TENM3: variants seen among roughly 807,000 people sequenced by gnomAD.
TENM3 encodes the protein teneurin-3.
TENM3 carries 63 observed loss-of-function variants against 255.1 expected under a neutral mutation model. That is an observed-to-expected ratio of 0.25 (90% confidence interval 0.20 to 0.30). The LOEUF is 0.30. Among genes scored for constraint, TENM3 ranks in the 10% least tolerant of loss-of-function variants. The pLI, the probability that TENM3 is intolerant of heterozygous loss-of-function variation, is 1.00. For missense variants in TENM3, 2,929 were observed against 3,461.1 expected, an observed-to-expected ratio of 0.85 and a Z score of 3.86; for synonymous variants, 1,306 against 1,322.3, an observed-to-expected ratio of 0.99 and a Z score of 0.27.
intron 22 of TENM3, among the ~76,000 whole-genome samples, chr4:182,764,941 A>G (rs1044372586): frequency 1.3e-5 from 2 of 152,220 alleles, no homozygotes; most frequent in Non-Finnish European, 2.9e-5. Flanking sequence ...TCATTAGGAC[A>G]TGAAATGTAA....
At chr4:181,897,710 G>T in the TENM3 span, among the ~76,000 whole-genome samples, 1 of 152,190 alleles carries the variant, frequency 6.6e-6, no homozygotes, top group African/African-American at 2.4e-5. Flanking sequence ...AGGAAACACT[G>T]TTGGGCAAGG....
chr4:181,898,792 A>G, the TENM3 span, among the ~76,000 whole-genome samples: 1 of 152,154 alleles, frequency 6.6e-6, no homozygotes, highest in East Asian at 1.9e-4. Flanking sequence ...GCTTGTAATA[A>G]TATTTCAAAA....
chr4:181,771,514 A>C, the TENM3 span, among the ~76,000 whole-genome samples: 1 of 152,184 alleles, frequency 6.6e-6, no homozygotes, highest in African/African-American at 2.4e-5. Flanking sequence ...GGTCAATGTC[A>C]ATGATGGGAA....
the TENM3 span, among the ~76,000 whole-genome samples, chr4:181,883,472 A>AT: frequency 2.6e-5 from 4 of 152,010 alleles, no homozygotes; most frequent in Non-Finnish European, 2.9e-5. Flanking sequence ...GCAATGTACA[A>AT]TTTTTTTGTT....
chr4:182,110,608 G>A, the TENM3 span, among the ~76,000 whole-genome samples: 1 of 152,144 alleles, frequency 6.6e-6, no homozygotes, highest in Non-Finnish European at 1.5e-5. Context: ...TTACAGGTAT[G>A]TGCCACTGCG....
At chr4:182,449,289 G>A (rs148744235) in intron 3 of TENM3, among the ~76,000 whole-genome samples, 1 of 149,882 alleles carries the variant, frequency 6.7e-6, no homozygotes, top group Non-Finnish European at 1.5e-5. Context: ...GTTTGAATCG[G>A]TGCGGAGGCA....
chr4:181,958,445 G>A, the TENM3 span, among the ~76,000 whole-genome samples: 1 of 152,086 alleles, frequency 6.6e-6, no homozygotes, highest in Non-Finnish European at 1.5e-5. Context: ...TCCTAAATTA[G>A]GATTAGAGTA....
chr4:182,205,207 A>G (rs977147471), intron 1 of TENM3, among the ~76,000 whole-genome samples: 1 of 152,230 alleles, frequency 6.6e-6, no homozygotes, highest in East Asian at 1.9e-4. Flanking sequence ...CCCCGTGTCT[A>G]TCACACCCTT....
chr4:182,545,420 G>A (rs1396285873), intron 3 of TENM3, among the ~76,000 whole-genome samples: 5 of 151,850 alleles, frequency 3.3e-5, no homozygotes, highest in African/African-American at 9.7e-5. Context: ...ATTACCTCTT[G>A]CCTGGACCTC....
intron 12 of TENM3, among the ~76,000 whole-genome samples, chr4:182,701,923 T>A (rs1404701158): frequency 6.6e-6 from 1 of 152,204 alleles, no homozygotes. Context: ...ATGAAAAATC[T>A]TTAGCAAACT....
chr4:181,947,687 G>A, the TENM3 span, among the ~76,000 whole-genome samples: 44,768 of 151,874 alleles, frequency 0.29, 7,278 homozygotes, highest in African/African-American at 0.44. Context: ...CTATTTTGAT[G>A]GGAAAGTCTT....
the TENM3 span, among the ~76,000 whole-genome samples, chr4:181,817,605 C>A: frequency 6.6e-6 from 1 of 152,194 alleles, no homozygotes; most frequent in Non-Finnish European, 1.5e-5. Context: ...GAGGTGTGCC[C>A]TTAGGAAAGT....
intron 1 of TENM3, among the ~76,000 whole-genome samples, chr4:182,149,766 C>T (rs552351825): frequency 6.6e-6 from 1 of 151,986 alleles, no homozygotes; most frequent in Admixed American, 6.6e-5. Context: ...TAACACTAAA[C>T]TATGCTTATA....
In TENM3 at chr4:182,793,132, G is replaced by A. The variant is rs1389733351; in HGVS notation, c.6460G>A (p.Asp2154Asn). Residue 2154 changes from aspartate (D) to asparagine (N), a missense_variant, in exon 26 of 28, where the codon GAT (aspartate) becomes AAT (asparagine). This residue lies in a region of TENM3 where 256 missense variants were observed against 389.3 expected (regional missense o/e 0.66). Coordinates refer to ENST00000511685, the MANE Select transcript of TENM3 (RefSeq NM_001080477.4). The surrounding 1 kb of genome is among the most constrained non-coding windows in gnomAD (Gnocchi z 5.7). ...AAAGATAATGTGGCGGTACAACTAC[G>A]ATCTGAATGGAAACCTCCATTTACT... is the stretch of plus-strand genomic sequence containing the variant. ...NEKIMWRYNY[D>N]LNGNLHLLNP... 9 of 1,613,854 alleles carry A rather than the reference G, an allele frequency of 5.6e-6. No individual in the cohort carries two copies. The highest frequency in any genetic ancestry group is 6.8e-6 in the Non-Finnish European group (8 of 1,179,908).
chr4:181,641,552 G>GTA, the TENM3 span, among the ~76,000 whole-genome samples: 379 of 21,466 alleles, frequency 0.018, 1 homozygote, highest in Non-Finnish European at 0.022. Context: ...CATGGTGTGT[G>GTA]TGTATATATA....
chr4:181,904,956 CT>C, the TENM3 span, among the ~76,000 whole-genome samples: 2 of 152,210 alleles, frequency 1.3e-5, no homozygotes, highest in African/African-American at 4.8e-5. Flanking sequence ...TGCACAAGCT[CT>C]CTTTGCCTGC....
chr4:182,168,732 A>G (rs1751888399), intron 1 of TENM3, among the ~76,000 whole-genome samples: 1 of 152,204 alleles, frequency 6.6e-6, no homozygotes. Context: ...AACATGAATT[A>G]TAGGTATGGA....
intron 3 of TENM3, among the ~76,000 whole-genome samples, chr4:182,349,610 A>G (rs1029260162): frequency 4.3e-4 from 65 of 152,284 alleles, no homozygotes; most frequent in African/African-American, 1.5e-3. Flanking sequence ...AGTCATACAT[A>G]GGTTCTTCTA....
At chr4:182,722,319 C>T (rs945755721) in intron 13 of TENM3, among the ~76,000 whole-genome samples, 1 of 152,018 alleles carries the variant, frequency 6.6e-6, no homozygotes, top group Non-Finnish European at 1.5e-5. Flanking sequence ...CAGGGCATCT[C>T]TCATGTGCTT....
Sources: gnomAD v4.1 joint callset for allele counts (sites outside exome capture counted in the v4.1 genomes callset) on GRCh38, gnomAD v4.1.1 for gene constraint, gnomAD v4.1.1 regional missense constraint, Gnocchi (gnomAD v3.1) non-coding constraint, MANE v1.5 for transcripts, NCBI Gene and HGNC (gene_info 2026-07-23, HGNC 2026-07-21) for gene names.